The following KCNT1 variants were observed in gnomAD, a reference collection of about 807,000 sequenced individuals.
KCNT1 encodes potassium channel subfamily T member 1.
Under a neutral mutation model 147.8 loss-of-function variants are expected in KCNT1, and 78 were observed. The ratio of observed to expected loss-of-function variants is 0.53; its 90% CI spans 0.44 to 0.64. The LOEUF (loss-of-function observed/expected upper bound fraction) is 0.64. Among genes scored for constraint, KCNT1 ranks in the 30% least tolerant of loss-of-function variants. KCNT1 has a pLI of 0.00. For synonymous variants in KCNT1, 867 were observed against 748.8 expected, an observed-to-expected ratio of 1.16 and a Z score of -2.58; for missense variants, 1,419 against 1,750.3, an observed-to-expected ratio of 0.81 and a Z score of 3.38.
intron 15 of KCNT1, among the ~76,000 whole-genome samples, chr9:135,769,423 T>C (rs1028017461): frequency 1.3e-5 from 2 of 151,568 alleles, no homozygotes; most frequent in Non-Finnish European, 2.9e-5. Flanking sequence ...CACCAGGAGG[T>C]GCTGGAGGGG....
At chr9:135,709,808 G>C (rs886082418) in intron 1 of KCNT1, among the ~76,000 whole-genome samples, 1 of 152,196 alleles carries the variant, frequency 6.6e-6, no homozygotes, top group African/African-American at 2.4e-5. Flanking sequence ...AGCCTCCCGA[G>C]TAGCTGGGAT....
intron 3 of KCNT1, 31 bp downstream of exon 3, chr9:135,750,208 G>A (rs1213156195): frequency 6.3e-7 from 1 of 1,585,636 alleles, no homozygotes; most frequent in Admixed American, 1.7e-5. Flanking sequence ...GCCACTCCCA[G>A]GCAGGGAGGT....
Position 135,777,530 on chromosome 9 carries a change from G to GCCC in KCNT1, c.2522+21_2522+23dup. ...CAACAAGTGAGGCTCCTGGGGCTCAGCCCACCCCGCCCACCCGGGCCCTCA... is the reference window on the plus strand; with the variant it reads ...CAACAAGTGAGGCTCCTGGGGCTCAGCCCCCCACCCCGCCCACCCGGGCCCTCA... On this transcript the variant is annotated intron_variant, in intron 21 of 30. Coordinates refer to ENST00000371757, the MANE Select transcript of KCNT1 (RefSeq NM_020822.3). 6.3e-7 allele frequency: 1 copy of GCCC among 1,588,554 alleles called. No homozygotes were observed. Among genetic ancestry groups the GCCC allele is most frequent in the Non-Finnish European group, 8.6e-7 (1 of 1,167,060 alleles).
intron 2 of KCNT1, among the ~76,000 whole-genome samples, chr9:135,745,881 G>C (rs888701702): frequency 3.9e-5 from 6 of 152,218 alleles, no homozygotes; most frequent in Admixed American, 2.6e-4. Flanking sequence ...GAGCCCTCCA[G>C]GCTACCAGTG....
intron 4 of KCNT1, 184 bp from the exon 5 acceptor site, chr9:135,753,753 C>CA (rs1394990663): frequency 1.6e-6 from 1 of 632,648 alleles, no homozygotes; most frequent in Non-Finnish European, 2.9e-6. Context: ...AGGATCTCCG[C>CA]AGTAGGTGGG....
At chr9:135,763,808 G>A (rs1832073121) in intron 11 of KCNT1, among the ~76,000 whole-genome samples, 1 of 152,188 alleles carries the variant, frequency 6.6e-6, no homozygotes, top group African/African-American at 2.4e-5. Flanking sequence ...TCACTACGGA[G>A]CTGCCGTCAT....
intron 2 of KCNT1, among the ~76,000 whole-genome samples, chr9:135,740,385 T>C (rs1355604258): frequency 6.6e-6 from 1 of 152,186 alleles, no homozygotes; most frequent in Non-Finnish European, 1.5e-5. Context: ...AAGCATCTTA[T>C]GGGACTTGGG....
chr9:135,782,906 C>A (rs1257793681), intron 24 of KCNT1, among the ~76,000 whole-genome samples: 4 of 152,224 alleles, frequency 2.6e-5, no homozygotes, highest in African/African-American at 9.7e-5. Context: ...CTGTTTCTCA[C>A]GCCCCAGCCT....
At position 135,778,724 on chromosome 9, in the gene KCNT1, G is replaced by C. The variant is rs761157491; in HGVS notation, c.2631G>C (p.Ala877=). ...DSLLQCGIIY[A]DNLVVVDKES... is the part of the protein sequence containing the mutation. ...TGCTGCAGTGTGGCATCATCTATGCGGACAACCTGGTGGTGGTGGACAAGG... is the reference window on the plus strand; with the variant it reads ...TGCTGCAGTGTGGCATCATCTATGCCGACAACCTGGTGGTGGTGGACAAGG... The change falls in exon 23 of 31, where the codon GCG becomes GCC. Residue 877 remains alanine (A), a synonymous_variant. Transcript: ENST00000371757. 1.2e-6 allele frequency: 2 copies of C among 1,613,616 alleles called. No homozygotes were observed. Among genetic ancestry groups the C allele is most frequent in the African/African-American group, 1.3e-5 (1 of 74,908 alleles).
At chr9:135,740,817 C>T (rs999389251) in intron 2 of KCNT1, among the ~76,000 whole-genome samples, 7 of 152,226 alleles carry the variant, frequency 4.6e-5, no homozygotes, top group African/African-American at 1.2e-4. Context: ...GGCCACCAAC[C>T]GCTGGGACAG....
intron 6 of KCNT1, 43 bp downstream of exon 6, chr9:135,755,212 C>A: frequency 1.3e-6 from 2 of 1,566,844 alleles, no homozygotes; most frequent in South Asian, 1.2e-5. Context: ...CAGTGGTGCT[C>A]AGTAAGCACT....
intron 2 of KCNT1, among the ~76,000 whole-genome samples, chr9:135,718,587 CA>C (rs1438185558): frequency 2.0e-5 from 3 of 152,292 alleles, no homozygotes; most frequent in East Asian, 3.9e-4. Flanking sequence ...CTCTCTGCAC[CA>C]GGGGAAGAGA....
At chr9:135,751,261 T>A (rs1831148667) in intron 4 of KCNT1, among the ~76,000 whole-genome samples, 1 of 151,884 alleles carries the variant, frequency 6.6e-6, no homozygotes, top group African/African-American at 2.4e-5. Context: ...GTCCCCATCG[T>A]AGACTTCCAG....
At chr9:135,765,820 C>T in intron 13 of KCNT1, 60 bp downstream of exon 13, 2 of 1,471,196 alleles carry the variant, frequency 1.4e-6, no homozygotes, top group Non-Finnish European at 1.9e-6. Flanking sequence ...AGGTCGGCTG[C>T]TCAGGGCTGA....
At chr9:135,744,922 C>T (rs986807268) in intron 2 of KCNT1, among the ~76,000 whole-genome samples, 7 of 152,226 alleles carry the variant, frequency 4.6e-5, no homozygotes, top group African/African-American at 1.2e-4. Context: ...CCTGGTGTGC[C>T]CCGTCCTCCC....
chr9:135,713,988 G>A (rs1252110405), intron 1 of KCNT1, among the ~76,000 whole-genome samples: 1 of 152,146 alleles, frequency 6.6e-6, no homozygotes, highest in East Asian at 1.9e-4. Context: ...CCGGGGTTCT[G>A]ACCTGAGCTG....
chr9:135,777,699 C>T (rs191095401), intron 21 of KCNT1, among the ~76,000 whole-genome samples, 189 bp downstream of exon 21: 6 of 150,858 alleles, frequency 4.0e-5, no homozygotes. Flanking sequence ...CTGCTCCCAG[C>T]TCCTCCCCAC....
intron 2 of KCNT1, among the ~76,000 whole-genome samples, chr9:135,739,503 C>T (rs930662410): frequency 6.6e-6 from 1 of 151,874 alleles, no homozygotes; most frequent in Admixed American, 6.6e-5. Context: ...TTCATGGTTG[C>T]CCCTCTCCTC....
Position 135,791,742 on chromosome 9 carries a change from A to C in KCNT1, c.3503-55A>C, listed in dbSNP as rs986339222. On this transcript the variant is annotated intron_variant, in intron 29 of 30. Transcript: ENST00000371757. ...CCCCCACACCTCTGGGCCCCTGCAG[A>C]GCTGGGAGGGGCAGGGCTGGGGGGG... 33 of 1,476,840 alleles carry C rather than the reference A, an allele frequency of 2.2e-5. No individual in the cohort carries two copies. In the African/African-American group the frequency reaches 3.6e-4, roughly 16 times the overall value. 91.5% of individuals were successfully genotyped at this position (1,476,840 alleles called of 1,614,324 possible). A position where few individuals can be genotyped will look rare whatever the true frequency, so the allele number is the denominator to read the frequency against.
Sources: gnomAD v4.1 joint callset for allele counts (sites outside exome capture counted in the v4.1 genomes callset) on GRCh38, gnomAD v4.1.1 for gene constraint, MANE v1.5 for transcripts, NCBI Gene and HGNC (gene_info 2026-07-23, HGNC 2026-07-21) for gene names.